The following MAPK10 variants were observed in gnomAD, a reference collection of about 807,000 sequenced individuals.
The protein encoded by MAPK10 is JNK3 alpha protein kinase.
In MAPK10, 25 loss-of-function variants were observed where a neutral mutation model predicts 59.3. The ratio of observed to expected loss-of-function variants is 0.42; its 90% CI spans 0.31 to 0.59. The LOEUF (loss-of-function observed/expected upper bound fraction) is 0.59. Among genes scored for constraint, MAPK10 ranks in the 20% least tolerant of loss-of-function variants. The probability of loss-of-function intolerance (pLI) is 0.15; values close to 1 mark genes in which losing one functional copy is unlikely to be tolerated. For missense variants in MAPK10, 351 were observed against 568.9 expected, an observed-to-expected ratio of 0.62 and a Z score of 3.90; for synonymous variants, 190 against 200.5, an observed-to-expected ratio of 0.95 and a Z score of 0.44.
chr4:86,143,931 A>G (rs1454217630), intron 4 of MAPK10, among the ~76,000 whole-genome samples: 2 of 152,230 alleles, frequency 1.3e-5, no homozygotes, highest in Non-Finnish European at 2.9e-5. Flanking sequence ...TTGATAACCA[A>G]GTAGAATAGT....
intron 1 of MAPK10, among the ~76,000 whole-genome samples, chr4:86,401,827 G>A (rs979741046): frequency 6.6e-6 from 1 of 152,134 alleles, no homozygotes; most frequent in African/African-American, 2.4e-5. Flanking sequence ...TCTTCCCAAA[G>A]AGAGAACCAC....
chr4:86,390,662 A>AATAG (rs1338126654), intron 1 of MAPK10, among the ~76,000 whole-genome samples: 1 of 152,350 alleles, frequency 6.6e-6, no homozygotes, highest in Non-Finnish European at 1.5e-5. Flanking sequence ...TGTTGAGGAT[A>AATAG]ATAGATACAT....
intron 5 of MAPK10, among the ~76,000 whole-genome samples, chr4:86,105,157 T>C (rs2056312480): frequency 6.6e-6 from 1 of 152,146 alleles, no homozygotes; most frequent in South Asian, 2.1e-4. Flanking sequence ...CATAAAGAAG[T>C]ATTTTCTAAA....
At position 86,264,532 on chromosome 4, in the gene MAPK10, T is replaced by A. The variant is rs529773860; in HGVS notation, c.-6-70125A>T. On this transcript the variant is annotated intron_variant, in intron 2 of 13. Coordinates refer to ENST00000641462, the MANE Select transcript of MAPK10 (RefSeq NM_138982.4). ...AATTTGTAAGGCTGCCAGAAAAGAC[T>A]TCTTAAGTCTTCTCCCTTTCTAGTC... is the stretch of plus-strand genomic sequence containing the variant. 1.2e-4 allele frequency among the ~76,000 whole-genome samples: 19 copies of A among 152,364 alleles called. No individual in the cohort carries two copies. In the East Asian group the frequency reaches 3.7e-3, roughly 29 times the overall value.
intron 1 of MAPK10, among the ~76,000 whole-genome samples, chr4:86,463,045 G>A (rs1363733658): frequency 6.6e-6 from 1 of 152,170 alleles, no homozygotes; most frequent in Non-Finnish European, 1.5e-5. Flanking sequence ...ATTAGTTAAT[G>A]AACAATTAGA....
chr4:86,544,684 T>G (rs1392266271), intron 1 of MAPK10, among the ~76,000 whole-genome samples: 1 of 152,192 alleles, frequency 6.6e-6, no homozygotes, highest in Non-Finnish European at 1.5e-5. Flanking sequence ...TCATTTATAT[T>G]TTGTTGCCAA....
chr4:86,513,936 A>G (rs1756467876), intron 1 of MAPK10, among the ~76,000 whole-genome samples: 1 of 152,128 alleles, frequency 6.6e-6, no homozygotes, highest in Non-Finnish European at 1.5e-5. Flanking sequence ...AAATGTTCTG[A>G]TACTGACTCC....
At chr4:86,532,016 T>A (rs1757886202) in intron 1 of MAPK10, among the ~76,000 whole-genome samples, 1 of 150,594 alleles carries the variant, frequency 6.6e-6, no homozygotes, top group African/African-American at 2.4e-5. Flanking sequence ...TAGTGAGACC[T>A]CTGTCTCTAA....
intron 1 of MAPK10, among the ~76,000 whole-genome samples, chr4:86,372,609 C>G (rs560279450): frequency 5.9e-5 from 8 of 134,758 alleles, no homozygotes; most frequent in Admixed American, 3.6e-4. Flanking sequence ...GAAAGAAACT[C>G]ACTCAAAACT....
chr4:86,086,886 CAA>C (rs2051999379), intron 9 of MAPK10, among the ~76,000 whole-genome samples: 1 of 152,004 alleles, frequency 6.6e-6, no homozygotes, highest in Non-Finnish European at 1.5e-5. Context: ...AAACTTTAAC[CAA>C]CATGTTTGAA....
chr4:86,540,335 C>T (rs935176180), intron 1 of MAPK10, among the ~76,000 whole-genome samples: 3 of 151,648 alleles, frequency 2.0e-5, no homozygotes, highest in African/African-American at 4.8e-5. Flanking sequence ...TCTGTCTGTA[C>T]GAAAAATACA....
chr4:86,506,139 G>A lies in MAPK10; in HGVS notation c.-263+87771C>T, dbSNP rs185905626. On this transcript the variant is annotated intron_variant, in intron 1 of 4. Transcript: ENST00000502302. Reference sequence around the variant, plus strand: ...TTCACACCTATAAACAAAAGACAGCGTATTACATTCCAAAAGAAAGGCAGT... The same window carrying A: ...TTCACACCTATAAACAAAAGACAGCATATTACATTCCAAAAGAAAGGCAGT... Among the ~76,000 whole-genome samples the A allele has an allele frequency of 1.2e-3, 190 of 152,204 alleles. 1 individual carries two copies. The highest frequency in any genetic ancestry group is 1.4e-3 in the Non-Finnish European group (94 of 68,014).
rs1359490476 is a variant in MAPK10, at chr4:86,553,115, G to A, written c.-263+40795C>T. 2.0e-5 allele frequency among the ~76,000 whole-genome samples: 3 copies of A among 152,098 alleles called. 1 individual carries two copies. The highest frequency in any genetic ancestry group is 2.1e-4 in the South Asian group (1 of 4,820). ...CTGACAGACATGGCTTTTTGAAAGA[G>A]AAAGAATAAGGGATCCTAAGAACTG... On this transcript the variant is annotated intron_variant, in intron 1 of 4. Coordinates refer to the MAPK10 transcript ENST00000502302.
intron 1 of MAPK10, chr4:86,593,784 G>GCCATAT (rs1763302637): frequency 6.6e-6 from 1 of 152,138 alleles, no homozygotes; most frequent in African/African-American, 2.4e-5. Flanking sequence ...TTGCTGCAAG[G>GCCATAT]AGCTGGCAAA....
chr4:86,079,841 GAA>G (rs1267246680), intron 9 of MAPK10: 1 of 151,254 alleles, frequency 6.6e-6, no homozygotes, highest in Non-Finnish European at 1.5e-5. Context: ...TATGAGGTAA[GAA>G]AACCTGCCAC....
intron 1 of MAPK10, among the ~76,000 whole-genome samples, chr4:86,365,974 T>C (rs1564735803): frequency 6.6e-6 from 1 of 152,196 alleles, no homozygotes; most frequent in Non-Finnish European, 1.5e-5. Context: ...GTGTGTAGTC[T>C]GAGATAGGAC....
At chr4:86,257,689 G>C (rs1184017725) in intron 2 of MAPK10, among the ~76,000 whole-genome samples, 1 of 152,014 alleles carries the variant, frequency 6.6e-6, no homozygotes, top group Non-Finnish European at 1.5e-5. Flanking sequence ...CCACATTTTA[G>C]CTTTCTATTA....
intron 1 of MAPK10, among the ~76,000 whole-genome samples, chr4:86,517,375 A>G (rs1311421572): frequency 7.1e-6 from 1 of 141,822 alleles, no homozygotes; most frequent in Non-Finnish European, 1.5e-5. Flanking sequence ...TCCCGGGTTC[A>G]CGCCATTCTC....
At chr4:86,327,775 A>C in intron 2 of MAPK10, 1 of 127,346 alleles carries the variant, frequency 7.9e-6, no homozygotes, top group Non-Finnish European at 1.7e-5. Context: ...CCCCATCTCT[A>C]CTAAAAATAC....
Sources: gnomAD v4.1 joint callset for allele counts (sites outside exome capture counted in the v4.1 genomes callset) on GRCh38, gnomAD v4.1.1 for gene constraint, MANE v1.5 for transcripts, NCBI Gene and HGNC (gene_info 2026-07-23, HGNC 2026-07-21) for gene names.